The following NAV2 variants were observed in gnomAD, a reference collection of about 807,000 sequenced individuals.
NAV2 encodes neuron navigator 2, also known as helicase, APC down-regulated 1.
NAV2 carries 54 observed loss-of-function variants against 223.2 expected under a neutral mutation model. The ratio of observed to expected loss-of-function variants is 0.24; its 90% CI spans 0.19 to 0.30. NAV2 has a LOEUF of 0.30. NAV2 is among the 10% of genes least tolerant of loss of function. The probability of loss-of-function intolerance (pLI) is 1.00; values close to 1 mark genes in which losing one functional copy is unlikely to be tolerated. For synonymous variants in NAV2, 1,279 were observed against 1,239.3 expected (o/e 1.03, Z -0.67); for missense variants, 2,806 against 3,147.5 (o/e 0.89, Z 2.60).
chr11:19,998,199 G>A lies in NAV2; in HGVS notation c.2768+13952G>A, dbSNP rs77868892. Among the ~76,000 whole-genome samples, 1,885 of 151,768 alleles carry A rather than the reference G, an allele frequency of 0.012. 36 individuals carry two copies. Among genetic ancestry groups the A allele is most frequent in the African/African-American group, 0.043 (1,797 of 41,346 alleles). ...TTTCCTCCCCCTTTTCCTTCCAGTC[G>A]GCAAACTCCCCCCAAACAGTTTCAA... On this transcript the variant is annotated intron_variant, in intron 11 of 37. Transcript: ENST00000349880. This position sits in a 1 kb window ranked among gnomAD's most constrained non-coding sequence, Gnocchi z 5.0.
At chr11:19,777,403 G>A in intron 1 of NAV2, 1 of 427,204 alleles carries the variant, frequency 2.3e-6, no homozygotes, top group Non-Finnish European at 4.6e-6. Context: ...CAGGTGCTTC[G>A]GCTTTTTTTT....
intron 1 of NAV2, among the ~76,000 whole-genome samples, chr11:19,641,164 G>T (rs1311889601): frequency 1.3e-5 from 2 of 152,180 alleles, no homozygotes; most frequent in Non-Finnish European, 2.9e-5. Flanking sequence ...GCAGAGGTAA[G>T]TTTAAACCCT....
chr11:20,100,546 GGTGTGTGTGTGTGTGT>G (rs59857072), intron 31 of NAV2, among the ~76,000 whole-genome samples: 4 of 141,854 alleles, frequency 2.8e-5, no homozygotes, highest in Admixed American at 7.1e-5. Context: ...ATACTAGAGG[GGTGTGTGTGTGTGTGT>G]GTGTGTGTGT....
chr11:19,483,382 C>T (rs1161196913), intron 1 of NAV2, among the ~76,000 whole-genome samples: 1 of 152,160 alleles, frequency 6.6e-6, no homozygotes, highest in African/African-American at 2.4e-5. Context: ...TCTTAGTTAT[C>T]ACGTTAACTG....
chr11:19,696,732 G>A (rs369574102), intron 1 of NAV2, among the ~76,000 whole-genome samples: 9 of 152,200 alleles, frequency 5.9e-5, no homozygotes. Context: ...CCAAGATGCT[G>A]ACATTGCAGC....
At chr11:19,944,859 G>T (rs116325451) in intron 8 of NAV2, among the ~76,000 whole-genome samples, 7,830 of 133,330 alleles carry the variant, frequency 0.059, 326 homozygotes, top group South Asian at 0.086. Flanking sequence ...TTTCTGTCTT[G>T]CTTGTCTTTC....
chr11:19,664,827 C>G (rs2048368658), intron 1 of NAV2, among the ~76,000 whole-genome samples: 1 of 152,314 alleles, frequency 6.6e-6, no homozygotes, highest in South Asian at 2.1e-4. Flanking sequence ...TATTGAACAC[C>G]TACTATGTGT....
At chr11:19,403,040 G>T (rs570795477) in intron 1 of NAV2, among the ~76,000 whole-genome samples, 1 of 152,342 alleles carries the variant, frequency 6.6e-6, no homozygotes, top group South Asian at 2.1e-4. Flanking sequence ...CTTATGTTGT[G>T]TGAATTTGGG....
intron 1 of NAV2, among the ~76,000 whole-genome samples, chr11:19,534,823 G>C (rs1317349389): frequency 6.6e-6 from 1 of 152,202 alleles, no homozygotes; most frequent in African/African-American, 2.4e-5. Context: ...ATGTAGACTA[G>C]TAGTTAAGAT....
chr11:20,103,436 C>A (rs561823183), intron 33 of NAV2, 27 bp downstream of exon 33: 5 of 1,605,226 alleles, frequency 3.1e-6, no homozygotes, highest in Non-Finnish European at 4.3e-6. Context: ...GACCTCATAG[C>A]CCCCCGGGAG....
intron 1 of NAV2, among the ~76,000 whole-genome samples, chr11:19,521,124 C>T (rs906851426): frequency 6.6e-6 from 1 of 152,240 alleles, no homozygotes; most frequent in Non-Finnish European, 1.5e-5. Flanking sequence ...AACCCAAACA[C>T]TCCAAGCTGA....
At chr11:19,856,434 C>T (rs963831121) in intron 3 of NAV2, among the ~76,000 whole-genome samples, 1 of 152,140 alleles carries the variant, frequency 6.6e-6, no homozygotes, top group African/African-American at 2.4e-5. Context: ...TTGGCCAAAT[C>T]GTTTCTTAGT....
At chr11:19,432,461 G>C (rs1851070424) in intron 1 of NAV2, among the ~76,000 whole-genome samples, 1 of 152,196 alleles carries the variant, frequency 6.6e-6, no homozygotes, top group South Asian at 2.1e-4. Context: ...TCTCCCTGTG[G>C]AAGTGTTGAA....
At chr11:19,991,590 TATAAA>T (rs2051336957) in intron 11 of NAV2, among the ~76,000 whole-genome samples, 3 of 152,322 alleles carry the variant, frequency 2.0e-5, no homozygotes, top group African/African-American at 4.8e-5. Context: ...AAAGAACAAT[TATAAA>T]ATAAACGAGT....
At chr11:19,829,049 C>A (rs760694485) in intron 1 of NAV2, among the ~76,000 whole-genome samples, 13 of 152,250 alleles carry the variant, frequency 8.5e-5, no homozygotes, top group Non-Finnish European at 1.5e-4. Context: ...CACAAAGAAA[C>A]CTAGTTGTAG....
chr11:19,467,708 C>T (rs966351909), intron 1 of NAV2, among the ~76,000 whole-genome samples: 4 of 152,170 alleles, frequency 2.6e-5, no homozygotes, highest in African/African-American at 7.2e-5. Context: ...CCAGAATCAG[C>T]GTCCTGTCTT....
chr11:19,525,777 T>C (rs2043822032), intron 1 of NAV2, among the ~76,000 whole-genome samples: 1 of 152,200 alleles, frequency 6.6e-6, no homozygotes, highest in Non-Finnish European at 1.5e-5. Context: ...AAATGCCTCC[T>C]GGAGATAACC....
At chr11:19,810,771 G>T (rs572415545) in intron 1 of NAV2, among the ~76,000 whole-genome samples, 1 of 152,290 alleles carries the variant, frequency 6.6e-6, no homozygotes, top group African/African-American at 2.4e-5. Flanking sequence ...GGTTGAGGTA[G>T]ATGCCCACCT....
intron 2 of NAV2, among the ~76,000 whole-genome samples, chr11:19,835,720 C>T (rs1198659009): frequency 6.6e-6 from 1 of 150,728 alleles, no homozygotes; most frequent in African/African-American, 2.5e-5. Context: ...TCTATATATA[C>T]ATACATAAAA....
Sources: gnomAD v4.1 joint callset for allele counts (sites outside exome capture counted in the v4.1 genomes callset) on GRCh38, gnomAD v4.1.1 for gene constraint, Gnocchi (gnomAD v3.1) non-coding constraint, MANE v1.5 for transcripts, NCBI Gene and HGNC (gene_info 2026-07-23, HGNC 2026-07-21) for gene names.